Variants in FYB2 observed in about 807,000 individuals in gnomAD.
FYB2 encodes FYN binding protein 2.
Under a neutral mutation model 94.1 loss-of-function variants are expected in FYB2, and 103 were observed. That is an observed-to-expected ratio of 1.09 (90% confidence interval 0.93 to 1.29). The LOEUF (loss-of-function observed/expected upper bound fraction) is 1.29, where lower values mean the gene tolerates loss of function less well. FYB2 is among the 50% of genes most tolerant of loss of function. The pLI, the probability that FYB2 is intolerant of heterozygous loss-of-function variation, is 0.00. For synonymous variants in FYB2, 293 were observed against 287.9 expected (o/e 1.02, Z -0.18); for missense variants, 896 against 841.5 (o/e 1.06, Z -0.80).
In FYB2 at chr1:56,788,822, G is replaced by A. The variant is rs1449011781; in HGVS notation, c.919+151C>T. 11 of 1,122,224 alleles carry A rather than the reference G, an allele frequency of 9.8e-6. No individual in the cohort carries two copies. The South Asian group carries it at 1.3e-4, about 13-fold the overall frequency. The allele number at this position is 1,122,224 out of a possible 1,614,324, so 69.5% of individuals were successfully genotyped here. ...AATTCCCACAGAGACATCGTTTCAT[G>A]GGCAAGCTGCCACAGCCTCTAGATG... is the stretch of plus-strand genomic sequence containing the variant. On this transcript the variant is annotated intron_variant, in intron 3 of 19. Transcript: ENST00000343433.
intron 1 of FYB2, among the ~76,000 whole-genome samples, chr1:56,803,193 G>C (rs773827346): frequency 2.0e-5 from 3 of 152,174 alleles, no homozygotes; most frequent in Non-Finnish European, 4.4e-5. Context: ...GTCTGAGACA[G>C]CATGCTGTGA....
At chr1:56,736,280 T>C (rs1034280741) in intron 15 of FYB2, among the ~76,000 whole-genome samples, 26 of 152,196 alleles carry the variant, frequency 1.7e-4, no homozygotes, top group African/African-American at 6.3e-4. Context: ...ATAAGTTCAA[T>C]TGTATAATAG....
rs982128069 is a variant in FYB2 at position 56,718,968 on chromosome 1, G to T, written c.*703C>A. 1 of 152,426 alleles carries T rather than the reference G, an allele frequency of 6.6e-6. No individual in the cohort carries two copies. Among genetic ancestry groups the T allele is most frequent in the Non-Finnish European group, 1.5e-5 (1 of 67,974 alleles). The allele number at this position is 152,426 out of a possible 1,614,324, so 9.4% of individuals were successfully genotyped here. On this transcript the variant is annotated 3_prime_UTR_variant, in exon 20 of 20. Transcript: ENST00000343433. Reference sequence around the variant, plus strand: ...GGGCATAGACAAAATAATGACAATTGTTCTTATTTTGGACAAAAAGATGTT... The same window carrying T: ...GGGCATAGACAAAATAATGACAATTTTTCTTATTTTGGACAAAAAGATGTT...
chr1:56,792,678 T>G lies in FYB2; in HGVS notation c.135A>C (p.Ser45=). 6.2e-7 allele frequency: 1 copy of G among 1,614,128 alleles called. No homozygotes were observed. The highest frequency in any genetic ancestry group is 8.5e-7 in the Non-Finnish European group (1 of 1,180,014). Residue 45 remains serine, a synonymous_variant, in exon 2 of 20, where the codon TCA becomes TCC. Coordinates refer to ENST00000343433, the MANE Select transcript of FYB2 (RefSeq NM_001004303.5). ...SPKGDIGGTQ[S]TQILANGKPL... Reference sequence around the variant, plus strand: ...GTTTCCCATTGGCCAAAATTTGAGTTGACTGTGTGCCTCCAATGTCACCCT... The same window carrying G: ...GTTTCCCATTGGCCAAAATTTGAGTGGACTGTGTGCCTCCAATGTCACCCT...
At chr1:56,738,311 C>A (rs535093733) in intron 14 of FYB2, among the ~76,000 whole-genome samples, 1 of 152,158 alleles carries the variant, frequency 6.6e-6, no homozygotes, top group South Asian at 2.1e-4. Flanking sequence ...AGTCAGAGAG[C>A]CTGGAATACA....
chr1:56,780,789 T>A (rs907134180), intron 4 of FYB2, among the ~76,000 whole-genome samples: 2 of 152,266 alleles, frequency 1.3e-5, no homozygotes, highest in Admixed American at 1.3e-4. Flanking sequence ...CTGCTCCTTG[T>A]GAAAAACAGG....
chr1:56,719,817 G>T (rs1364990009), intron 19 of FYB2, 125 bp from the exon 20 acceptor site: 1 of 1,100,530 alleles, frequency 9.1e-7, no homozygotes, highest in Non-Finnish European at 1.3e-6. Context: ...TGTTTATAAA[G>T]CTGTGTAGAG....
At chr1:56,787,336 TC>T in intron 3 of FYB2, 128 bp from the exon 4 acceptor site, 1 of 1,081,314 alleles carries the variant, frequency 9.2e-7, no homozygotes, top group Non-Finnish European at 1.4e-6. Flanking sequence ...GCCTGAAACA[TC>T]CCTTACCTCC....
intron 5 of FYB2, among the ~76,000 whole-genome samples, chr1:56,765,866 C>T (rs551343093): frequency 6.6e-6 from 1 of 152,142 alleles, no homozygotes; most frequent in African/African-American, 2.4e-5. Flanking sequence ...TTTAGCTGTA[C>T]TTAGCAGGAG....
chr1:56,767,373 C>T (rs1385103878), intron 5 of FYB2, among the ~76,000 whole-genome samples: 3 of 152,152 alleles, frequency 2.0e-5, no homozygotes, highest in Non-Finnish European at 4.4e-5. Flanking sequence ...TTAAATAAAT[C>T]CCCTGCTCCT....
At chr1:56,813,424 A>G (rs1316723218) in intron 1 of FYB2, among the ~76,000 whole-genome samples, 1 of 152,170 alleles carries the variant, frequency 6.6e-6, no homozygotes, top group Non-Finnish European at 1.5e-5. Context: ...CTCTCATGAG[A>G]CTTATTCACT....
chr1:56,755,774 C>A, intron 7 of FYB2, 122 bp downstream of exon 7: 1 of 939,650 alleles, frequency 1.1e-6, no homozygotes, highest in Non-Finnish European at 1.7e-6. Flanking sequence ...TGCAAGGTGC[C>A]GGGGAAACTG....
At chr1:56,808,766 G>A (rs1228818355) in intron 1 of FYB2, among the ~76,000 whole-genome samples, 3 of 152,084 alleles carry the variant, frequency 2.0e-5, no homozygotes, top group Admixed American at 6.5e-5. Flanking sequence ...GAGTAGATCT[G>A]TATTCTAAGG....
intron 13 of FYB2, among the ~76,000 whole-genome samples, chr1:56,739,551 A>C (rs1326794780): frequency 6.6e-6 from 1 of 152,076 alleles, no homozygotes; most frequent in East Asian, 1.9e-4. Context: ...AAATTATTTT[A>C]GCATCTTCTG....
intron 7 of FYB2, among the ~76,000 whole-genome samples, chr1:56,755,129 G>A (rs974672660): frequency 6.6e-6 from 1 of 152,104 alleles, no homozygotes; most frequent in African/African-American, 2.4e-5. Context: ...ACTCTGAAGA[G>A]GCAGGTAAGA....
intron 1 of FYB2, among the ~76,000 whole-genome samples, chr1:56,804,241 TC>T (rs1189210550): frequency 6.6e-6 from 1 of 152,198 alleles, no homozygotes; most frequent in Non-Finnish European, 1.5e-5. Flanking sequence ...AAATACATGC[TC>T]ACCTTTGTGG....
chr1:56,745,174 A>G (rs1365803520), intron 9 of FYB2, among the ~76,000 whole-genome samples: 1 of 152,024 alleles, frequency 6.6e-6, no homozygotes, highest in Non-Finnish European at 1.5e-5. Flanking sequence ...GTTTCTTCTT[A>G]GTCTGCAGCA....
At chr1:56,738,455 A>G (rs181616922) in intron 14 of FYB2, among the ~76,000 whole-genome samples, 170 bp downstream of exon 14, 119 of 152,252 alleles carry the variant, frequency 7.8e-4, no homozygotes, top group African/African-American at 2.8e-3. Flanking sequence ...AACACTACTC[A>G]TCTTCTCCAA....
chr1:56,748,474 G>A (rs1196068754), intron 9 of FYB2, among the ~76,000 whole-genome samples: 1 of 152,018 alleles, frequency 6.6e-6, no homozygotes, highest in Non-Finnish European at 1.5e-5. Flanking sequence ...TGGCTAGCCA[G>A]TTTTCCCAGC....
Sources: allele counts gnomAD v4.1 joint callset (sites outside exome capture counted in the v4.1 genomes callset), GRCh38; gene constraint gnomAD v4.1.1; transcripts MANE v1.5; gene names NCBI Gene and HGNC (gene_info 2026-07-23, HGNC 2026-07-21).